The following NINJ2 variants were observed in gnomAD, a reference collection of about 807,000 sequenced individuals.
The protein encoded by NINJ2 is ninjurin 2.
In NINJ2, 12 loss-of-function variants were observed where a neutral mutation model predicts 11.7. That is an observed-to-expected ratio of 1.02 (90% confidence interval 0.66 to 1.66). NINJ2 has a LOEUF of 1.66. Ranked by LOEUF, NINJ2 falls within the 40% of genes most tolerant of loss-of-function variation. The probability of loss-of-function intolerance (pLI) is 0.00; values close to 1 mark genes in which losing one functional copy is unlikely to be tolerated. For missense variants in NINJ2, 187 were observed against 181.8 expected (o/e 1.03, Z -0.16); for synonymous variants, 93 against 76.8 (o/e 1.21, Z -1.10).
chr12:623,918 C>T (rs757025230), intron 1 of NINJ2, among the ~76,000 whole-genome samples: 10 of 152,132 alleles, frequency 6.6e-5, no homozygotes, highest in Non-Finnish European at 1.5e-4. Flanking sequence ...CGCCTGTAGT[C>T]CCAGCTGCTC....
At chr12:598,469 T>C (rs1947819780) in intron 1 of NINJ2, among the ~76,000 whole-genome samples, 1 of 152,198 alleles carries the variant, frequency 6.6e-6, no homozygotes, top group South Asian at 2.1e-4. Context: ...GTGTGAGTGC[T>C]GTGGACCTGG....
At chr12:600,665 T>G (rs1267649004) in intron 1 of NINJ2, among the ~76,000 whole-genome samples, 23 of 60,218 alleles carry the variant, frequency 3.8e-4, no homozygotes, top group African/African-American at 8.8e-4. Context: ...TGTGTGTGTG[T>G]GTGTGTGTGT....
intron 1 of NINJ2, among the ~76,000 whole-genome samples, chr12:573,628 A>C (rs1947411351): frequency 6.6e-6 from 1 of 152,104 alleles, no homozygotes; most frequent in African/African-American, 2.4e-5. Flanking sequence ...AAAACAGATA[A>C]AAAACAAAAA....
At chr12:648,671 T>G (rs1427231604) in intron 1 of NINJ2, among the ~76,000 whole-genome samples, 1 of 152,180 alleles carries the variant, frequency 6.6e-6, no homozygotes, top group Non-Finnish European at 1.5e-5. Flanking sequence ...CATACTCCCA[T>G]CAGAGTTGGA....
intron 1 of NINJ2, among the ~76,000 whole-genome samples, chr12:656,086 AGGGCGTAGT>A (rs1245661193): frequency 3.3e-5 from 5 of 151,928 alleles, no homozygotes; most frequent in African/African-American, 7.2e-5. Context: ...AAAGACCCGC[AGGGCGTAGT>A]GGCTCGCGCC....
rs1273517823 is a variant in NINJ2, at chr12:611,859, G to GC, written c.34-45682dup. Reference sequence around the variant, plus strand: ...CCATTATTACTTGTTGTAGGAGGTTGCCCCCCAATATCTATTTGACCTTCT... The same window carrying GC: ...CCATTATTACTTGTTGTAGGAGGTTGCCCCCCCAATATCTATTTGACCTTCT... On this transcript the variant is annotated intron_variant, in intron 1 of 3. Transcript: ENST00000305108. Among the ~76,000 whole-genome samples, 4 of 152,190 alleles carry GC rather than the reference G, an allele frequency of 2.6e-5. No individual in the cohort carries two copies. In the East Asian group the frequency reaches 7.7e-4, roughly 29 times the overall value.
At chr12:583,280 C>T (rs1410881671) in intron 1 of NINJ2, among the ~76,000 whole-genome samples, 1 of 152,248 alleles carries the variant, frequency 6.6e-6, no homozygotes, top group Non-Finnish European at 1.5e-5. Context: ...TTAGCGCTGG[C>T]CCAGATTCAG....
At chr12:656,440 C>CT (rs147722289) in intron 1 of NINJ2, among the ~76,000 whole-genome samples, 24,032 of 151,528 alleles carry the variant, frequency 0.16, 2,391 homozygotes, top group South Asian at 0.27. Flanking sequence ...AGGACTGACA[C>CT]TACCCGACTT....
At chr12:659,371 G>A (rs1223993019) in intron 1 of NINJ2, among the ~76,000 whole-genome samples, 1 of 152,148 alleles carries the variant, frequency 6.6e-6, no homozygotes, top group Non-Finnish European at 1.5e-5. Flanking sequence ...AGCCCAAGAG[G>A]AGCTGCATTT....
rs564027931 is a variant in NINJ2, at chr12:636,206, G to A, written c.33+27122C>T. Among the ~76,000 whole-genome samples the A allele has an allele frequency of 7.9e-5, 12 of 151,438 alleles. No individual in the cohort carries two copies. The East Asian group carries it at 1.9e-3, about 25-fold the overall frequency. On this transcript the variant is annotated intron_variant, in intron 1 of 3. Transcript: ENST00000305108. The stretch of plus-strand genomic sequence containing the variant: ...AGCCTGACCAACATGGAGAAACCCC[G>A]TCTCTACTAAAAACACAAAATTAGC...
intron 1 of NINJ2, among the ~76,000 whole-genome samples, chr12:609,940 G>T (rs1948006064): frequency 1.6e-5 from 1 of 62,066 alleles, no homozygotes; most frequent in African/African-American, 8.6e-5. Context: ...GCAAGACCCT[G>T]TCTTAAAAAA....
intron 1 of NINJ2, among the ~76,000 whole-genome samples, chr12:573,771 G>A (rs1008157505): frequency 6.6e-5 from 10 of 152,130 alleles, no homozygotes; most frequent in Admixed American, 2.0e-4. Context: ...CTGTGTCCCT[G>A]AGCCCCTGCA....
At chr12:636,708 T>C (rs77680115) in intron 1 of NINJ2, among the ~76,000 whole-genome samples, 2,922 of 152,162 alleles carry the variant, frequency 0.019, 90 homozygotes, top group African/African-American at 0.066. Context: ...GGATGACTAT[T>C]TGAAAAAAAT....
At chr12:654,106 G>A (rs1474641887) in intron 1 of NINJ2, among the ~76,000 whole-genome samples, 1 of 152,090 alleles carries the variant, frequency 6.6e-6, no homozygotes, top group Non-Finnish European at 1.5e-5. Flanking sequence ...GAAGTGGGAG[G>A]ATTGCTTGTG....
rs760192091 is a variant in NINJ2 at position 565,331 on chromosome 12, C to T, written c.333G>A (p.Leu111=). 6.2e-7 allele frequency: 1 copy of T among 1,614,182 alleles called. No individual in the cohort carries two copies. The change falls in exon 3 of 4, where the codon TTG becomes TTA. Residue 111 remains leucine, a synonymous_variant. Transcript: ENST00000305108. ...LNQLNNAATI[L]VFFTVVINVF... Reference sequence around the variant, plus strand: ...CATTGATGACCACAGTGAAGAAGACCAAGATGGTGGCTGCGTTGTTGAGCT... The same window carrying T: ...CATTGATGACCACAGTGAAGAAGACTAAGATGGTGGCTGCGTTGTTGAGCT...
intron 1 of NINJ2, among the ~76,000 whole-genome samples, chr12:627,852 G>A (rs866599410): frequency 2.6e-5 from 4 of 152,340 alleles, no homozygotes; most frequent in African/African-American, 9.6e-5. Context: ...CCTGAGGCAG[G>A]AGAACCCGGG....
intron 1 of NINJ2, among the ~76,000 whole-genome samples, chr12:622,148 G>A (rs1433251780): frequency 2.1e-5 from 3 of 139,690 alleles, no homozygotes; most frequent in Non-Finnish European, 4.6e-5. Context: ...AAGGCCAGGC[G>A]CAGTGGCTCA....
chr12:661,152 C>T (rs1326727228), intron 1 of NINJ2, among the ~76,000 whole-genome samples: 1 of 152,148 alleles, frequency 6.6e-6, no homozygotes, highest in Non-Finnish European at 1.5e-5. Flanking sequence ...GATTGTAGCT[C>T]ACTGCAACCT....
chr12:567,251 G>A lies in NINJ2; in HGVS notation c.34-1073C>T, dbSNP rs1472830223. ...AGTGGGGAGAGACGGATGGATTGAA[G>A]GATGCTATGGCCTGGAGGTAGGGAA... On this transcript the variant is annotated intron_variant, in intron 1 of 3. Transcript: ENST00000305108. 3.3e-5 allele frequency among the ~76,000 whole-genome samples: 5 copies of A among 152,084 alleles called. 1 individual carries two copies. The South Asian group carries it at 6.2e-4, about 19-fold the overall frequency.
Sources: gnomAD v4.1 joint callset for allele counts (sites outside exome capture counted in the v4.1 genomes callset) on GRCh38, gnomAD v4.1.1 for gene constraint, MANE v1.5 for transcripts, NCBI Gene and HGNC (gene_info 2026-07-23, HGNC 2026-07-21) for gene names.